Variants in CTNNA2 observed in about 807,000 individuals in gnomAD.
CTNNA2 encodes the protein catenin alpha 2.
CTNNA2 carries 42 observed loss-of-function variants against 101.0 expected under a neutral mutation model. The observed-to-expected ratio is 0.42, with a 90% CI of 0.32 to 0.54. The LOEUF is 0.54. Ranked by LOEUF, CTNNA2 falls within the 20% of genes least tolerant of loss-of-function variation. The pLI, the probability that CTNNA2 is intolerant of heterozygous loss-of-function variation, is 0.14. For synonymous variants in CTNNA2, 450 were observed against 456.4 expected (o/e 0.99, Z 0.18); for missense variants, 871 against 1,223.1 (o/e 0.71, Z 4.29).
intron 2 of CTNNA2, among the ~76,000 whole-genome samples, chr2:79,717,655 G>C (rs1272028645): frequency 1.3e-5 from 2 of 152,134 alleles, no homozygotes; most frequent in African/African-American, 4.8e-5. Context: ...GACCACCACT[G>C]GTCACATGGT....
intron 17 of CTNNA2, among the ~76,000 whole-genome samples, chr2:80,612,513 A>G (rs2149791722): frequency 6.6e-6 from 1 of 151,734 alleles, no homozygotes; most frequent in Admixed American, 6.6e-5. Flanking sequence ...ACTGAACAAG[A>G]TTGATAAGTA....
chr2:79,766,638 C>A (rs987848741), intron 3 of CTNNA2, among the ~76,000 whole-genome samples: 1 of 152,166 alleles, frequency 6.6e-6, no homozygotes, highest in African/African-American at 2.4e-5. Context: ...CTTTCTCTAC[C>A]TCCTCTTTAA....
intron 18 of CTNNA2, among the ~76,000 whole-genome samples, chr2:80,632,075 C>T (rs1309717101): frequency 6.6e-6 from 1 of 152,076 alleles, no homozygotes; most frequent in Admixed American, 6.6e-5. Flanking sequence ...TGTTCAGGGG[C>T]AGCCTGCACC....
Position 80,647,971 on chromosome 2 carries a change from C to G in CTNNA2, c.*99C>G. On this transcript the variant is annotated 3_prime_UTR_variant, in exon 19 of 19. Transcript: ENST00000402739. The stretch of plus-strand genomic sequence containing the variant: ...TGCATACCTGCCAGCTCGTATGCCT[C>G]TGGCATGGGGAAATTAAGGGAACAG... 1 of 1,152,760 alleles carries G rather than the reference C, an allele frequency of 8.7e-7. No individual in the cohort carries two copies. Among genetic ancestry groups the G allele is most frequent in the Non-Finnish European group, 1.2e-6 (1 of 824,038 alleles). The allele number at this position is 1,152,760 out of a possible 1,614,324, so 71.4% of individuals were successfully genotyped here.
At chr2:79,687,656 G>C in intron 2 of CTNNA2, 1 of 631,802 alleles carries the variant, frequency 1.6e-6, no homozygotes. Flanking sequence ...GTTGAATTGG[G>C]TAACTCTTTT....
chr2:79,384,376 TTCTCTCTCTCTCTCTCTCTCTCTCTC>T lies in CTNNA2; in HGVS notation c.-135+10396_-135+10421del, dbSNP rs11267995. On this transcript the variant is annotated intron_variant, in intron 4 of 21. Coordinates refer to the CTNNA2 transcript ENST00000466387. ...CCCTGGTAATTTGAATGCATATTTC[TTCTCTCTCTCTCTCTCTCTCTCTCTC>T]TCTCTCTCTCTCTCTCTCTCTCTCT... 1.6e-3 allele frequency among the ~76,000 whole-genome samples: 170 copies of T among 104,594 alleles called. 2 individuals carry two copies. The highest frequency in any genetic ancestry group is 5.7e-3 in the African/African-American group (142 of 24,852). 68.6% of individuals were successfully genotyped at this position (104,594 alleles called of 152,430 possible).
chr2:80,434,485 CTTTTTTTTTT>C (rs1169944635), intron 9 of CTNNA2, among the ~76,000 whole-genome samples: 6 of 89,992 alleles, frequency 6.7e-5, no homozygotes, highest in East Asian at 8.7e-4. Context: ...TTCTGTGTCT[CTTTTTTTTTT>C]TTTTTTTTTT....
At chr2:79,280,685 A>AGAGAGAGAGAG (rs1553390858) in intron 2 of CTNNA2, among the ~76,000 whole-genome samples, 5,968 of 87,850 alleles carry the variant, frequency 0.068, 405 homozygotes, top group East Asian at 0.13. Flanking sequence ...GAGAGAGAGA[A>AGAGAGAGAGAG]AGAGAGAGAG....
At chr2:80,539,237 A>T (rs1691315102) in intron 9 of CTNNA2, among the ~76,000 whole-genome samples, 1 of 151,810 alleles carries the variant, frequency 6.6e-6, no homozygotes, top group South Asian at 2.1e-4. Flanking sequence ...TACAGGATAG[A>T]TGCCAATTGT....
intron 2 of CTNNA2, among the ~76,000 whole-genome samples, chr2:79,693,270 G>A (rs997874550): frequency 1.3e-5 from 2 of 151,356 alleles, no homozygotes; most frequent in African/African-American, 2.4e-5. Context: ...AGTGGATGAG[G>A]CATTCTTTTA....
chr2:80,449,135 G>T (rs1683291131), intron 9 of CTNNA2, among the ~76,000 whole-genome samples: 1 of 152,064 alleles, frequency 6.6e-6, no homozygotes, highest in Non-Finnish European at 1.5e-5. Context: ...AAATAGGCCA[G>T]GTGCAGTGGT....
intron 3 of CTNNA2, among the ~76,000 whole-genome samples, chr2:79,781,239 A>T (rs1674400979): frequency 6.6e-6 from 1 of 152,160 alleles, no homozygotes; most frequent in African/African-American, 2.4e-5. Context: ...GTAAACTGTC[A>T]TGATGTTGGT....
chr2:79,505,346 C>T (rs1369770180), intron 5 of CTNNA2, among the ~76,000 whole-genome samples: 1 of 152,174 alleles, frequency 6.6e-6, no homozygotes, highest in African/African-American at 2.4e-5. Context: ...GAACTGTCTA[C>T]AGTTGTTTAC....
rs140422386 is a variant in CTNNA2 at position 79,226,277 on chromosome 2, C to G, written c.-406+28201C>G. On this transcript the variant is annotated intron_variant, in intron 2 of 21. Coordinates refer to the CTNNA2 transcript ENST00000466387. ...GTCACACACAACTGAATTTATAGATCTGCCTCTTGAGCAAGTTAATTAGAC... is the reference window on the plus strand; with the variant it reads ...GTCACACACAACTGAATTTATAGATGTGCCTCTTGAGCAAGTTAATTAGAC... 2.0e-5 allele frequency among the ~76,000 whole-genome samples: 3 copies of G among 152,320 alleles called. No homozygotes were observed. In the East Asian group the frequency reaches 5.8e-4, roughly 29 times the overall value.
chr2:79,723,485 T>C (rs1686615591), intron 2 of CTNNA2, among the ~76,000 whole-genome samples: 1 of 152,198 alleles, frequency 6.6e-6, no homozygotes, highest in Non-Finnish European at 1.5e-5. Flanking sequence ...ATCAACCGAC[T>C]ACCTCTTCAT....
At position 79,480,664 on chromosome 2, in the gene CTNNA2, A is replaced by T. The variant is rs576002508; in HGVS notation, c.-134-24390A>T. 3.3e-5 allele frequency among the ~76,000 whole-genome samples: 5 copies of T among 152,256 alleles called. No homozygotes were observed. In the South Asian group the frequency reaches 1.0e-3, roughly 32 times the overall value. On this transcript the variant is annotated intron_variant, in intron 4 of 21. Transcript: ENST00000466387. Reference sequence around the variant, plus strand: ...TAATTTACTAATCTCTTTGTTAGCAATATCCATTCTGCTCACTGTGTGATT... The same window carrying T: ...TAATTTACTAATCTCTTTGTTAGCATTATCCATTCTGCTCACTGTGTGATT...
chr2:80,013,477 A>C (rs1693926245), intron 7 of CTNNA2, among the ~76,000 whole-genome samples: 1 of 152,212 alleles, frequency 6.6e-6, no homozygotes, highest in African/African-American at 2.4e-5. Context: ...ACTAGCAGGC[A>C]TTCATTGACT....
intron 5 of CTNNA2, among the ~76,000 whole-genome samples, chr2:79,872,535 T>C (rs1424429136): frequency 6.6e-6 from 1 of 152,168 alleles, no homozygotes; most frequent in African/African-American, 2.4e-5. Flanking sequence ...TTGTTACCTG[T>C]TTATCCATTT....
chr2:80,161,481 TAAAC>T (rs1034265667), intron 7 of CTNNA2, among the ~76,000 whole-genome samples: 1 of 152,156 alleles, frequency 6.6e-6, no homozygotes, highest in Non-Finnish European at 1.5e-5. Flanking sequence ...AAGTTTTTGT[TAAAC>T]AAGATTTTAA....
Sources: allele counts gnomAD v4.1 joint callset (sites outside exome capture counted in the v4.1 genomes callset), GRCh38; gene constraint gnomAD v4.1.1; transcripts MANE v1.5; gene names NCBI Gene and HGNC (gene_info 2026-07-23, HGNC 2026-07-21).